The following CASTOR2 variants were observed in gnomAD, a reference collection of about 807,000 sequenced individuals.
CASTOR2 encodes cytosolic arginine sensor for mTORC1 subunit 2, also known as GATS protein like 2.
A neutral mutation model predicts 31.2 loss-of-function variants in CASTOR2; 8 were observed. The ratio of observed to expected loss-of-function variants is 0.26; its 90% CI spans 0.15 to 0.46. The LOEUF is 0.46. CASTOR2 is among the 20% of genes least tolerant of loss of function. The pLI, the probability that CASTOR2 is intolerant of heterozygous loss-of-function variation, is 0.99. For missense variants in CASTOR2, 216 were observed against 382.1 expected (o/e 0.57, Z 3.62); for synonymous variants, 162 against 158.7 (o/e 1.02, Z -0.16).
rs2131961327 is a variant in CASTOR2, at chr7:75,026,456, C to T, written c.*1757C>T. Among the ~76,000 whole-genome samples, 1 of 152,246 alleles carries T rather than the reference C, an allele frequency of 6.6e-6. No individual in the cohort carries two copies. Among genetic ancestry groups the T allele is most frequent in the Admixed American group, 6.5e-5 (1 of 15,282 alleles). On this transcript the variant is annotated 3_prime_UTR_variant, in exon 9 of 9. Transcript: ENST00000616305. ...CCGCCTGCCTCGGCCTCCCAAAATG[C>T]CGGGATTACAGGCGTGAGCCACCAC...
chr7:74,992,826 C>T (rs1470044158), intron 1 of CASTOR2, among the ~76,000 whole-genome samples: 5 of 151,724 alleles, frequency 3.3e-5, no homozygotes, highest in African/African-American at 9.7e-5. Context: ...TTGCTTGAGC[C>T]CAGGAGTGCA....
intron 1 of CASTOR2, among the ~76,000 whole-genome samples, chr7:74,995,187 A>T (rs1371826700): frequency 6.6e-6 from 1 of 151,942 alleles, no homozygotes; most frequent in Non-Finnish European, 1.5e-5. Flanking sequence ...TCAGGAGGAG[A>T]TGGGGATGAA....
intron 1 of CASTOR2, among the ~76,000 whole-genome samples, chr7:74,994,486 C>CA (rs1387686555): frequency 3.9e-5 from 6 of 152,152 alleles, no homozygotes; most frequent in African/African-American, 1.4e-4. Flanking sequence ...TGTGGTGGTT[C>CA]ATGCCTGTAA....
chr7:74,975,129 A>G (rs782390601), intron 1 of CASTOR2, among the ~76,000 whole-genome samples: 1 of 150,956 alleles, frequency 6.6e-6, no homozygotes, highest in Non-Finnish European at 1.5e-5. Context: ...CACCATGCTC[A>G]GCTAATTTTT....
At chr7:75,015,644 T>C (rs1804846605) in intron 2 of CASTOR2, among the ~76,000 whole-genome samples, 1 of 152,106 alleles carries the variant, frequency 6.6e-6, no homozygotes, top group African/African-American at 2.4e-5. Context: ...GTGCCCAAGA[T>C]AGAGCCTGGG....
intron 1 of CASTOR2, among the ~76,000 whole-genome samples, chr7:74,982,648 T>C (rs1803972546): frequency 1.0e-5 from 1 of 100,266 alleles, no homozygotes; most frequent in Non-Finnish European, 2.0e-5. Context: ...CCAGCCTGGC[T>C]AATATGGTAA....
chr7:74,977,201 A>C (rs1446443624), intron 1 of CASTOR2, among the ~76,000 whole-genome samples: 1 of 150,676 alleles, frequency 6.6e-6, no homozygotes, highest in African/African-American at 2.4e-5. Flanking sequence ...AAAAAAAAAA[A>C]AAACACCTTG....
chr7:74,995,678 G>C (rs1804328244), intron 1 of CASTOR2, among the ~76,000 whole-genome samples: 1 of 151,818 alleles, frequency 6.6e-6, no homozygotes, highest in Non-Finnish European at 1.5e-5. Flanking sequence ...TGTGGTGGCA[G>C]GCGCCTGTAG....
At position 74,979,559 on chromosome 7, in the gene CASTOR2, T is replaced by G. The variant is rs1303586162; in HGVS notation, c.113+14461T>G. On this transcript the variant is annotated intron_variant, in intron 1 of 8. Coordinates refer to ENST00000616305, the MANE Select transcript of CASTOR2 (RefSeq NM_001145064.3). ...GGCATGTGCCACCACACCCAGCTAATTTTTGTATTTTTTAGTAGAGATGGG... is the reference window on the plus strand; with the variant it reads ...GGCATGTGCCACCACACCCAGCTAAGTTTTGTATTTTTTAGTAGAGATGGG... 1.2e-3 allele frequency among the ~76,000 whole-genome samples: 61 copies of G among 51,270 alleles called. 1 individual carries two copies. Among genetic ancestry groups the G allele is most frequent in the African/African-American group, 5.2e-3 (57 of 11,040 alleles). 33.6% of individuals were successfully genotyped at this position (51,270 alleles called of 152,430 possible).
chr7:75,000,949 C>T lies in CASTOR2; in HGVS notation c.114-7045C>T, dbSNP rs1804479678. 2.6e-5 allele frequency among the ~76,000 whole-genome samples: 4 copies of T among 152,258 alleles called. No homozygotes were observed. In the South Asian group the frequency reaches 8.3e-4, roughly 32 times the overall value. ...AAGTGCTGGCATTACAGGCATGATC[C>T]ACCGCACCCGGCAGGCCAGGCCGTT... On this transcript the variant is annotated intron_variant, in intron 1 of 8. Coordinates refer to ENST00000616305, the MANE Select transcript of CASTOR2 (RefSeq NM_001145064.3).
At position 74,988,861 on chromosome 7, in the gene CASTOR2, T is replaced by C. The variant is rs1804136744; in HGVS notation, c.114-19133T>C. Among the ~76,000 whole-genome samples the C allele has an allele frequency of 6.6e-5, 10 of 152,208 alleles. No individual in the cohort carries two copies. The South Asian group carries it at 2.1e-3, about 32-fold the overall frequency. ...TGCGATCTTCTGAGGCATGCTTTTT[T>C]TTTTTTTCATTCCACATTGCATTTC... is the stretch of plus-strand genomic sequence containing the variant. On this transcript the variant is annotated intron_variant, in intron 1 of 8. Transcript: ENST00000616305.
intron 1 of CASTOR2, among the ~76,000 whole-genome samples, chr7:75,001,597 A>G (rs1389895029): frequency 2.6e-5 from 4 of 152,234 alleles, no homozygotes; most frequent in Non-Finnish European, 5.9e-5. Flanking sequence ...AGTCAAGGTG[A>G]TACCACATGA....
At chr7:74,972,382 A>G (rs1401800148) in intron 1 of CASTOR2, among the ~76,000 whole-genome samples, 1 of 150,410 alleles carries the variant, frequency 6.6e-6, no homozygotes, top group African/African-American at 2.4e-5. Flanking sequence ...GGCCTCCCCA[A>G]AGTGCTGAGA....
rs1281763209 is a variant in CASTOR2, at chr7:75,011,561, C to A, written c.184+3497C>A. 7.9e-3 allele frequency among the ~76,000 whole-genome samples: 1,202 copies of A among 151,692 alleles called. 3 individuals carry two copies. The highest frequency in any genetic ancestry group is 0.013 in the Non-Finnish European group (890 of 67,912). On this transcript the variant is annotated intron_variant, in intron 2 of 8. Transcript: ENST00000616305. ...CATCCTGGCTAACATGGTGAAACCC[C>A]ATATCTACTAAAAATACAAAAAAAA...
chr7:75,021,125 G>A (rs1804991614), intron 6 of CASTOR2, among the ~76,000 whole-genome samples: 1 of 152,134 alleles, frequency 6.6e-6, no homozygotes. Context: ...CCGAGTAGCT[G>A]GAACTACAGG....
At chr7:74,984,416 C>T (rs1804016462) in intron 1 of CASTOR2, among the ~76,000 whole-genome samples, 1 of 152,054 alleles carries the variant, frequency 6.6e-6, no homozygotes, top group Non-Finnish European at 1.5e-5. Flanking sequence ...GTGTGGGACC[C>T]TCGCCATGTG....
chr7:75,028,043 G>A lies in CASTOR2; in HGVS notation c.*3344G>A. 2 of 1,534,818 alleles carry A rather than the reference G, an allele frequency of 1.3e-6. No homozygotes were observed. Among genetic ancestry groups the A allele is most frequent in the Non-Finnish European group, 8.7e-7 (1 of 1,146,732 alleles). On this transcript the variant is annotated 3_prime_UTR_variant, in exon 9 of 9. Coordinates refer to ENST00000616305, the MANE Select transcript of CASTOR2 (RefSeq NM_001145064.3). ...TCCCCCGGAGGTAATCAGAGGAGTG[G>A]GCCTGTTGTCTTGGCGCTGGCGGAT...
In CASTOR2 at chr7:75,030,630, C is replaced by A. The variant is rs1278839486; in HGVS notation, c.*5931C>A. On this transcript the variant is annotated 3_prime_UTR_variant, in exon 9 of 9. Coordinates refer to ENST00000616305, the MANE Select transcript of CASTOR2 (RefSeq NM_001145064.3). ...GGCCTCAGTCCTTCCCCAGGTGGGC[C>A]AACCCACAGGGCTGCTTGAGTGTCT... Among the ~76,000 whole-genome samples, 1 of 152,172 alleles carries A rather than the reference C, an allele frequency of 6.6e-6. No homozygotes were observed. The highest frequency in any genetic ancestry group is 1.5e-5 in the Non-Finnish European group (1 of 68,026).
chr7:74,975,322 G>A (rs1460504737), intron 1 of CASTOR2, among the ~76,000 whole-genome samples: 3 of 150,484 alleles, frequency 2.0e-5, no homozygotes, highest in South Asian at 2.1e-4. Context: ...TGTTGTCCAC[G>A]CCGGTCTCAA....
Sources: gnomAD v4.1 joint callset for allele counts (sites outside exome capture counted in the v4.1 genomes callset) on GRCh38, gnomAD v4.1.1 for gene constraint, MANE v1.5 for transcripts, NCBI Gene and HGNC (gene_info 2026-07-23, HGNC 2026-07-21) for gene names.